MET: variants seen among roughly 807,000 people sequenced by gnomAD.
MET encodes the protein MET proto-oncogene, receptor tyrosine kinase.
MET carries 48 observed loss-of-function variants against 133.1 expected under a neutral mutation model. The observed-to-expected ratio is 0.36, with a 90% CI of 0.29 to 0.46. The LOEUF is 0.46. Among genes scored for constraint, MET ranks in the 20% least tolerant of loss-of-function variants. The probability of loss-of-function intolerance (pLI) is 1.00; values close to 1 mark genes in which losing one functional copy is unlikely to be tolerated. For missense variants in MET, 1,442 were observed against 1,695.9 expected (o/e 0.85, Z 2.63); for synonymous variants, 628 against 616.5 (o/e 1.02, Z -0.28).
chr7:116,771,427 G>T, intron 12 of MET, 71 bp from the exon 13 acceptor site: 3 of 1,587,044 alleles, frequency 1.9e-6, no homozygotes, highest in Non-Finnish European at 2.6e-6. Flanking sequence ...GGGACCCAAA[G>T]TGCTACAACC....
At chr7:116,713,487 C>A (rs1426327621) in intron 2 of MET, among the ~76,000 whole-genome samples, 2 of 151,774 alleles carry the variant, frequency 1.3e-5, no homozygotes, top group African/African-American at 4.8e-5. Flanking sequence ...CCAGTGGCAA[C>A]ATTCAAAGGC....
intron 2 of MET, among the ~76,000 whole-genome samples, chr7:116,723,022 T>C (rs1792563052): frequency 6.8e-6 from 1 of 147,292 alleles, no homozygotes; most frequent in Non-Finnish European, 1.5e-5. Flanking sequence ...AATCTGAACG[T>C]TGGCCTGCCT....
rs1584957937 is a variant in MET, at chr7:116,775,067, G to C, written c.3215G>C (p.Gly1072Ala). Residue 1072 changes from glycine to alanine, a missense_variant, in exon 15 of 21, where the codon GGG (glycine) becomes GCG (alanine). Coordinates refer to ENST00000397752, the MANE Select transcript of MET (RefSeq NM_000245.4). ...CAGGCAGTGCAGCATGTAGTGATTGGGCCCAGTAGCCTGATTGTGCATTTC... is the reference window on the plus strand; with the variant it reads ...CAGGCAGTGCAGCATGTAGTGATTGCGCCCAGTAGCCTGATTGTGCATTTC... ...LVQAVQHVVI[G>A]PSSLIVHFNE... 1 of 1,614,150 alleles carries C rather than the reference G, an allele frequency of 6.2e-7. No individual in the cohort carries two copies. The highest frequency in any genetic ancestry group is 1.7e-5 in the Admixed American group (1 of 60,030).
chr7:116,711,309 G>A lies in MET; in HGVS notation c.1200+11025G>A, dbSNP rs539638302. Among the ~76,000 whole-genome samples the A allele has an allele frequency of 6.6e-5, 10 of 152,272 alleles. No homozygotes were observed. The South Asian group carries it at 2.1e-3, about 32-fold the overall frequency. On this transcript the variant is annotated intron_variant, in intron 2 of 20. Transcript: ENST00000397752. ...ATTAAGTAATAGTTTACACAACCTT[G>A]CTCAGTCATTAACCTGTGTTGACTT...
chr7:116,764,858 A>G (rs1794561605), intron 11 of MET, among the ~76,000 whole-genome samples: 1 of 152,188 alleles, frequency 6.6e-6, no homozygotes. Flanking sequence ...AGCAGTGGCA[A>G]TTCAGGGAGA....
At chr7:116,726,903 G>T (rs1236933109) in intron 2 of MET, among the ~76,000 whole-genome samples, 1 of 152,162 alleles carries the variant, frequency 6.6e-6, no homozygotes, top group Non-Finnish European at 1.5e-5. Flanking sequence ...TGGGCCAGGG[G>T]TACAGGTGTG....
At chr7:116,685,803 T>C (rs1368869286) in intron 1 of MET, among the ~76,000 whole-genome samples, 2 of 152,156 alleles carry the variant, frequency 1.3e-5, no homozygotes, top group African/African-American at 4.8e-5. Context: ...GCAAAGCCAT[T>C]CTCTCTGTTA....
rs1791469321 is a variant in MET, at chr7:116,699,337, A to G, written c.253A>G (p.Lys85Glu). Reference sequence around the variant, plus strand: ...AGACCTTCAGAAGGTTGCTGAGTACAAGACTGGGCCTGTGCTGGAACACCC... The same window carrying G: ...AGACCTTCAGAAGGTTGCTGAGTACGAGACTGGGCCTGTGCTGGAACACCC... ...EEDLQKVAEY[K>E]TGPVLEHPDC... Residue 85 changes from lysine to glutamate, a missense_variant, in exon 2 of 21, where the codon AAG becomes GAG. Lys to Glu is a moderately conservative substitution (Grantham distance 56). Around this residue, in one of 6 missense-constraint regions of MET, gnomAD observed 762 missense variants for 792.4 expected, o/e 0.96. Coordinates refer to ENST00000397752, the MANE Select transcript of MET (RefSeq NM_000245.4). The G allele has an allele frequency of 6.2e-7, 1 of 1,614,044 alleles. No homozygotes were observed. The highest frequency in any genetic ancestry group is 8.5e-7 in the Non-Finnish European group (1 of 1,179,958).
intron 17 of MET, among the ~76,000 whole-genome samples, chr7:116,779,932 CAAAT>C (rs1366142852): frequency 9.9e-5 from 15 of 151,986 alleles, no homozygotes; most frequent in Non-Finnish European, 1.8e-4. Context: ...AGATAATAAA[CAAAT>C]AAACAATAGC....
intron 2 of MET, among the ~76,000 whole-genome samples, chr7:116,727,654 C>T (rs757001661): frequency 8.5e-5 from 13 of 152,244 alleles, no homozygotes; most frequent in African/African-American, 2.2e-4. Flanking sequence ...CCCTAAGACA[C>T]GATAACTCCT....
intron 5 of MET, among the ~76,000 whole-genome samples, chr7:116,743,753 A>T (rs914040788): frequency 6.6e-6 from 1 of 152,212 alleles, no homozygotes; most frequent in African/African-American, 2.4e-5. Context: ...GACACCTCCC[A>T]GCAGGGGTCG....
chr7:116,793,624 C>T (rs894485658), intron 19 of MET, among the ~76,000 whole-genome samples: 2 of 152,014 alleles, frequency 1.3e-5, no homozygotes, highest in Non-Finnish European at 2.9e-5. Context: ...TGCAGCCAGG[C>T]GCCGTGGCTC....
Position 116,797,272 on chromosome 7 carries a change from G to T in MET, c.*1148G>T, listed in dbSNP as rs1169179300. On this transcript the variant is annotated 3_prime_UTR_variant, in exon 21 of 21. Transcript: ENST00000397752. ...TAAAGCAGGATACATTTTACTAAAA[G>T]GTTCATTGGTTCCAATCACAGCTCA... 3 of 220,514 alleles carry T rather than the reference G, an allele frequency of 1.4e-5. No individual in the cohort carries two copies. Among genetic ancestry groups the T allele is most frequent in the Admixed American group, 5.8e-5 (1 of 17,312 alleles). 13.7% of individuals were successfully genotyped at this position (220,514 alleles called of 1,614,324 possible). A position where few individuals can be genotyped will look rare whatever the true frequency, so the allele number is the denominator to read the frequency against.
rs201037977 is a variant in MET, at chr7:116,778,791, G to C, written c.3356G>C (p.Gly1119Ala). ...GATTTCTCAGGAATCACTGACATAG[G>C]AGAAGTTTCCCAATTTCTGACCGAG... ...VKSLNRITDI[G>A]EVSQFLTEGI... The change falls in exon 17 of 21, where the codon GGA (glycine) becomes GCA (alanine). Residue 1119 changes from glycine (G) to alanine (A), a missense_variant. Coordinates refer to ENST00000397752, the MANE Select transcript of MET (RefSeq NM_000245.4). 116 of 1,613,964 alleles carry C rather than the reference G, an allele frequency of 7.2e-5. No individual in the cohort carries two copies. Among genetic ancestry groups the C allele is most frequent in the Non-Finnish European group, 8.7e-5 (103 of 1,179,938 alleles).
chr7:116,714,965 T>A (rs895514304), intron 2 of MET, among the ~76,000 whole-genome samples: 11 of 152,136 alleles, frequency 7.2e-5, no homozygotes, highest in African/African-American at 2.4e-4. Flanking sequence ...TCAATAGGTG[T>A]GAGTGTTTCC....
intron 1 of MET, among the ~76,000 whole-genome samples, chr7:116,689,559 CTTTTTTTTT>C (rs534819031): frequency 1.1e-5 from 1 of 94,774 alleles, no homozygotes; most frequent in African/African-American, 4.5e-5. Flanking sequence ...TGGGCTTACT[CTTTTTTTTT>C]TTTTTTTTTT....
At position 116,796,647 on chromosome 7, in the gene MET, GT is replaced by G; in HGVS notation, c.*529del. The G allele has an allele frequency of 7.6e-6, 2 of 264,500 alleles. No individual in the cohort carries two copies. Among genetic ancestry groups the G allele is most frequent in the South Asian group, 1.8e-4 (2 of 11,164 alleles). 16.4% of individuals were successfully genotyped at this position (264,500 alleles called of 1,614,324 possible). ...AACATTCCCTTTTAAATGTTTGTTT[GT>G]TTTTTGAGACAGGATCTCACTCTGT... is the stretch of plus-strand genomic sequence containing the variant. On this transcript the variant is annotated 3_prime_UTR_variant, in exon 21 of 21. Coordinates refer to ENST00000397752, the MANE Select transcript of MET (RefSeq NM_000245.4).
At chr7:116,690,881 TATG>T (rs1365713264) in intron 1 of MET, among the ~76,000 whole-genome samples, 1 of 152,228 alleles carries the variant, frequency 6.6e-6, no homozygotes, top group African/African-American at 2.4e-5. Flanking sequence ...TATAATGTAA[TATG>T]ATTCTTCATA....
Position 116,767,126 on chromosome 7 carries a change from AC to A in MET, c.2584-2516del, listed in dbSNP as rs909224645. Among the ~76,000 whole-genome samples, 5 of 152,132 alleles carry A rather than the reference AC, an allele frequency of 3.3e-5. No homozygotes were observed. In the South Asian group the frequency reaches 6.2e-4, roughly 19 times the overall value. Reference sequence around the variant, plus strand: ...TGCCAAACTGTACTGACTTGCCCAGACCCAGCCTGTGGCCACCTGGGTGTAT... The same window carrying A: ...TGCCAAACTGTACTGACTTGCCCAGACCAGCCTGTGGCCACCTGGGTGTAT... On this transcript the variant is annotated intron_variant, in intron 11 of 20. Coordinates refer to ENST00000397752, the MANE Select transcript of MET (RefSeq NM_000245.4).
Sources: gnomAD v4.1 joint callset for allele counts (sites outside exome capture counted in the v4.1 genomes callset) on GRCh38, gnomAD v4.1.1 for gene constraint, gnomAD v4.1.1 regional missense constraint, MANE v1.5 for transcripts, NCBI Gene and HGNC (gene_info 2026-07-23, HGNC 2026-07-21) for gene names.